Variants in IBTK observed in about 807,000 individuals in gnomAD.
The protein encoded by IBTK is inhibitor of Bruton tyrosine kinase.
In IBTK, 83 loss-of-function variants were observed where a neutral mutation model predicts 154.9. The ratio of observed to expected loss-of-function variants is 0.54; its 90% CI spans 0.45 to 0.64. The LOEUF is 0.64. Among genes scored for constraint, IBTK ranks in the 30% least tolerant of loss-of-function variants. The probability of loss-of-function intolerance (pLI) is 0.00; values close to 1 mark genes in which losing one functional copy is unlikely to be tolerated. For synonymous variants in IBTK, 515 were observed against 536.1 expected, an observed-to-expected ratio of 0.96 and a Z score of 0.54; for missense variants, 1,332 against 1,584.6, an observed-to-expected ratio of 0.84 and a Z score of 2.71.
intron 21 of IBTK, among the ~76,000 whole-genome samples, chr6:82,197,678 G>C (rs1237814238): frequency 6.6e-6 from 1 of 152,010 alleles, no homozygotes. Flanking sequence ...GCCTCTTTTT[G>C]AATATTTTTA....
intron 5 of IBTK, among the ~76,000 whole-genome samples, chr6:82,226,906 T>C (rs1031336212): frequency 3.3e-5 from 5 of 152,164 alleles, no homozygotes; most frequent in Admixed American, 3.3e-4. Context: ...GCGCCCGGCC[T>C]AGTCTGCCTT....
At chr6:82,180,314 T>C (rs1034360938) in intron 26 of IBTK, among the ~76,000 whole-genome samples, 2 of 151,906 alleles carry the variant, frequency 1.3e-5, no homozygotes, top group Non-Finnish European at 2.9e-5. Flanking sequence ...GGCACAATCA[T>C]GGCTAACTGC....
At chr6:82,247,001 T>A (rs140541874) in intron 1 of IBTK, among the ~76,000 whole-genome samples, 1 of 152,306 alleles carries the variant, frequency 6.6e-6, no homozygotes, top group African/African-American at 2.4e-5. Flanking sequence ...TAAAACTCTT[T>A]GAGCCAGACA....
At chr6:82,245,515 C>G (rs1374542199) in intron 1 of IBTK, among the ~76,000 whole-genome samples, 2 of 151,942 alleles carry the variant, frequency 1.3e-5, no homozygotes, top group Non-Finnish European at 2.9e-5. Flanking sequence ...CAAGATCATG[C>G]AACTGCACTC....
Position 82,171,425 on chromosome 6 carries a change from C to T in IBTK, c.4062G>A (p.Ter1354=). The T allele has an allele frequency of 1.2e-6, 2 of 1,610,928 alleles. No individual in the cohort carries two copies. ...AVPMWNKHGC[*] The stretch of plus-strand genomic sequence containing the variant: ...AAATGCATCTCAACTCCACAGTGAA[C>T]TAGCATCCATGCTTATTCCACATAG... The change falls in exon 29 of 29, where the codon TAG becomes TAA. Residue 1354 remains the stop codon, a stop_retained_variant. Coordinates refer to ENST00000306270, the MANE Select transcript of IBTK (RefSeq NM_015525.4).
intron 1 of IBTK, among the ~76,000 whole-genome samples, chr6:82,246,441 C>CTTTTTTTTT (rs1554189129): frequency 9.8e-5 from 11 of 111,680 alleles, no homozygotes; most frequent in African/African-American, 2.8e-4. Flanking sequence ...TTACAGGCAT[C>CTTTTTTTTT]TTTTTTTTTT....
chr6:82,242,508 C>A (rs1770990556), intron 1 of IBTK, among the ~76,000 whole-genome samples: 2 of 152,290 alleles, frequency 1.3e-5, no homozygotes, highest in East Asian at 1.9e-4. Context: ...GCAAAACCTA[C>A]AATTACTTTT....
At chr6:82,215,979 C>A (rs1323855045) in intron 11 of IBTK, 97 bp downstream of exon 11, 11 of 807,088 alleles carry the variant, frequency 1.4e-5, no homozygotes, top group Non-Finnish European at 2.0e-5. Context: ...GTCTTGGCAA[C>A]AGCTCTTCAA....
Position 82,217,122 on chromosome 6 carries a change from G to T in IBTK, c.1426+838C>A, listed in dbSNP as rs148200773. ...AACTTGATGACTGATTAATTCTAGT[G>T]TAAGGGAATCTGAGTGTCAAAGATA... is the stretch of plus-strand genomic sequence containing the variant. On this transcript the variant is annotated intron_variant, in intron 10 of 28. Coordinates refer to ENST00000306270, the MANE Select transcript of IBTK (RefSeq NM_015525.4). 1.1e-3 allele frequency among the ~76,000 whole-genome samples: 168 copies of T among 152,240 alleles called. 5 individuals carry two copies. The East Asian group carries it at 0.031, about 28-fold the overall frequency.
intron 1 of IBTK, 33 bp downstream of exon 1, chr6:82,247,529 C>T (rs905432031): frequency 5.0e-6 from 2 of 398,790 alleles, no homozygotes; most frequent in Non-Finnish European, 8.8e-6. Flanking sequence ...GAAGCCGCAC[C>T]GCACGGTCGG....
intron 23 of IBTK, among the ~76,000 whole-genome samples, chr6:82,193,882 A>G (rs918164786): frequency 2.6e-5 from 4 of 151,814 alleles, no homozygotes; most frequent in Non-Finnish European, 5.9e-5. Context: ...GGGTTTCACC[A>G]TGTTGCCCAG....
intron 7 of IBTK, among the ~76,000 whole-genome samples, 160 bp downstream of exon 7, chr6:82,223,908 C>G (rs1770197365): frequency 6.6e-6 from 1 of 152,092 alleles, no homozygotes; most frequent in South Asian, 2.1e-4. Context: ...TGTGATCGCA[C>G]CCTGAACTCC....
chr6:82,222,144 T>C (rs1770123074), intron 8 of IBTK, among the ~76,000 whole-genome samples: 1 of 143,832 alleles, frequency 7.0e-6, no homozygotes, highest in Admixed American at 7.3e-5. Context: ...TACTTCAGCC[T>C]GGGCAACAGA....
chr6:82,225,710 T>C, intron 5 of IBTK, 63 bp from the exon 6 acceptor site: 1 of 1,202,980 alleles, frequency 8.3e-7, no homozygotes. Flanking sequence ...GCAAATAGAA[T>C]TTGATGATAC....
chr6:82,216,309 T>G, intron 10 of IBTK, 59 bp from the exon 11 acceptor site: 2 of 1,101,862 alleles, frequency 1.8e-6, no homozygotes, highest in Middle Eastern at 2.6e-4. Flanking sequence ...CTAAAATGAT[T>G]GAGAAGTAAA....
At chr6:82,222,169 CAA>C (rs57962676) in intron 8 of IBTK, among the ~76,000 whole-genome samples, 12 of 98,426 alleles carry the variant, frequency 1.2e-4, no homozygotes, top group African/African-American at 1.1e-4. Context: ...GACAATGTCT[CAA>C]AAAAAAAAAA....
chr6:82,189,984 T>C (rs1189245582), intron 25 of IBTK, among the ~76,000 whole-genome samples: 1 of 152,188 alleles, frequency 6.6e-6, no homozygotes, highest in Non-Finnish European at 1.5e-5. Flanking sequence ...CATTGCCTTA[T>C]CATCAGAAAC....
chr6:82,224,012 T>A, intron 7 of IBTK, 56 bp downstream of exon 7: 1 of 958,484 alleles, frequency 1.0e-6, no homozygotes, highest in Non-Finnish European at 1.6e-6. Context: ...AAAGAAAAGA[T>A]AATTTTTTAA....
At chr6:82,176,329 T>C (rs1404113770) in intron 26 of IBTK, among the ~76,000 whole-genome samples, 4 of 151,970 alleles carry the variant, frequency 2.6e-5, no homozygotes, top group African/African-American at 9.7e-5. Flanking sequence ...GAGACTAGCC[T>C]GGCCAACATG....
Sources: gnomAD v4.1 joint callset for allele counts (sites outside exome capture counted in the v4.1 genomes callset) on GRCh38, gnomAD v4.1.1 for gene constraint, MANE v1.5 for transcripts, NCBI Gene and HGNC (gene_info 2026-07-23, HGNC 2026-07-21) for gene names.